LIPI: variants seen among roughly 807,000 people sequenced by gnomAD.
The protein encoded by LIPI is lipase member I.
Under a neutral mutation model 50.6 loss-of-function variants are expected in LIPI, and 59 were observed. The observed-to-expected ratio is 1.16, with a 90% CI of 0.94 to 1.45. The LOEUF (loss-of-function observed/expected upper bound fraction) is 1.45, where lower values mean the gene tolerates loss of function less well. Among genes scored for constraint, LIPI ranks in the 40% most tolerant of loss-of-function variants. The probability of loss-of-function intolerance (pLI) is 0.00; values close to 1 mark genes in which losing one functional copy is unlikely to be tolerated. For synonymous variants in LIPI, 203 were observed against 178.2 expected, an observed-to-expected ratio of 1.14 and a Z score of -1.11; for missense variants, 586 against 536.3, an observed-to-expected ratio of 1.09 and a Z score of -0.92.
chr21:14,196,322 A>G (rs1457445924), intron 1 of LIPI, among the ~76,000 whole-genome samples: 1 of 152,236 alleles, frequency 6.6e-6, no homozygotes, highest in Non-Finnish European at 1.5e-5. Context: ...ACAAAAAAGT[A>G]CATATTTTAA....
intron 1 of LIPI, 96 bp downstream of exon 1, chr21:14,210,704 C>T (rs1044406932): frequency 2.3e-5 from 8 of 354,990 alleles, no homozygotes; most frequent in Non-Finnish European, 4.5e-6. Flanking sequence ...ATATTTTTAT[C>T]CCATTATATC....
chr21:14,117,010 G>A (rs1315745634), intron 9 of LIPI, among the ~76,000 whole-genome samples: 1 of 152,058 alleles, frequency 6.6e-6, no homozygotes, highest in Non-Finnish European at 1.5e-5. Flanking sequence ...TCAGAGGAGA[G>A]TACCCCCCAA....
At chr21:14,181,060 G>A (rs563256332) in intron 4 of LIPI, among the ~76,000 whole-genome samples, 1 of 152,236 alleles carries the variant, frequency 6.6e-6, no homozygotes, top group East Asian at 1.9e-4. Flanking sequence ...ACTGTAAAGG[G>A]AATGACAGTT....
At chr21:14,118,543 A>T (rs894746773) in intron 9 of LIPI, among the ~76,000 whole-genome samples, 1 of 152,194 alleles carries the variant, frequency 6.6e-6, no homozygotes, top group Non-Finnish European at 1.5e-5. Flanking sequence ...CACCAAGTGG[A>T]GATAGGACCT....
intron 2 of LIPI, among the ~76,000 whole-genome samples, chr21:14,188,042 A>G (rs981500259): frequency 1.3e-5 from 2 of 152,256 alleles, no homozygotes; most frequent in African/African-American, 4.8e-5. Flanking sequence ...AACACAACTC[A>G]AGTTTAAATT....
At chr21:14,159,674 C>A (rs556720870) in intron 7 of LIPI, among the ~76,000 whole-genome samples, 455 of 151,290 alleles carry the variant, frequency 3.0e-3, no homozygotes, top group Middle Eastern at 0.01. Flanking sequence ...TAAATGCACA[C>A]AGATTGTAAT....
chr21:14,141,079 G>C (rs1164106663), intron 9 of LIPI, among the ~76,000 whole-genome samples: 2 of 152,112 alleles, frequency 1.3e-5, no homozygotes, highest in African/African-American at 4.8e-5. Context: ...GGGTCTAAAT[G>C]TTTGTTCTTT....
At chr21:14,203,020 G>A (rs1160015247) in intron 1 of LIPI, among the ~76,000 whole-genome samples, 28 of 152,160 alleles carry the variant, frequency 1.8e-4, no homozygotes, top group East Asian at 5.8e-4. Flanking sequence ...AAAAGTGGGC[G>A]AAGGATATGA....
intron 4 of LIPI, among the ~76,000 whole-genome samples, chr21:14,170,149 T>A (rs2018840338): frequency 6.6e-6 from 1 of 152,114 alleles, no homozygotes; most frequent in African/African-American, 2.4e-5. Context: ...ATACACCCTC[T>A]GAAGACTAAA....
intron 9 of LIPI, among the ~76,000 whole-genome samples, chr21:14,143,344 CTAGAT>C (rs1310287671): frequency 6.6e-6 from 1 of 152,120 alleles, no homozygotes; most frequent in Non-Finnish European, 1.5e-5. Context: ...ACAATTACTC[CTAGAT>C]TTTTGCCATT....
At chr21:14,152,334 C>T (rs543416272) in intron 8 of LIPI, among the ~76,000 whole-genome samples, 17 of 152,028 alleles carry the variant, frequency 1.1e-4, no homozygotes, top group South Asian at 4.2e-4. Context: ...TCTCCTGATA[C>T]GCTTAGAACT....
At chr21:14,129,431 G>T (rs1277018600) in intron 9 of LIPI, among the ~76,000 whole-genome samples, 2 of 151,804 alleles carry the variant, frequency 1.3e-5, no homozygotes, top group Non-Finnish European at 2.9e-5. Flanking sequence ...AACTATAATT[G>T]TGTCCCACAA....
chr21:14,166,728 A>T (rs778597134), intron 4 of LIPI, among the ~76,000 whole-genome samples: 1 of 152,222 alleles, frequency 6.6e-6, no homozygotes, highest in Non-Finnish European at 1.5e-5. Context: ...TAGAGAGGGC[A>T]GCCAAGATGG....
chr21:14,179,254 G>A (rs2019190162), intron 4 of LIPI, among the ~76,000 whole-genome samples: 1 of 151,696 alleles, frequency 6.6e-6, no homozygotes. Context: ...TAGAAGATGT[G>A]GTCATTATCT....
rs570751634 is a variant in LIPI at position 14,178,428 on chromosome 21, A to G, written c.643+3330T>C. Among the ~76,000 whole-genome samples, 3 of 152,150 alleles carry G rather than the reference A, an allele frequency of 2.0e-5. No individual in the cohort carries two copies. In the South Asian group the frequency reaches 6.2e-4, roughly 32 times the overall value. On this transcript the variant is annotated intron_variant, in intron 4 of 9. Coordinates refer to ENST00000681601, the MANE Select transcript of LIPI (RefSeq NM_001302998.2). ...GCTTCAGTCTAGAAATTTACTTTTC[A>G]CCTACTTTTTAGTTCACTCGCTCAC...
intron 4 of LIPI, among the ~76,000 whole-genome samples, chr21:14,175,364 A>C (rs2019057382): frequency 6.6e-6 from 1 of 152,108 alleles, no homozygotes; most frequent in Non-Finnish European, 1.5e-5. Context: ...AACTTTAAAA[A>C]CTTTTTATAT....
intron 1 of LIPI, among the ~76,000 whole-genome samples, chr21:14,209,439 T>C (rs761520028): frequency 6.6e-6 from 1 of 152,168 alleles, no homozygotes; most frequent in Non-Finnish European, 1.5e-5. Context: ...TGAAATAAAC[T>C]ACTGGAAATC....
At chr21:14,110,105 A>C (rs200135642) in intron 9 of LIPI, among the ~76,000 whole-genome samples, 1 of 37,816 alleles carries the variant, frequency 2.6e-5, no homozygotes, top group Non-Finnish European at 5.8e-5. Context: ...GATAAAGTAT[A>C]AGATTGATCT....
intron 7 of LIPI, among the ~76,000 whole-genome samples, chr21:14,159,939 T>G (rs570351729): frequency 1.3e-5 from 2 of 151,480 alleles, no homozygotes; most frequent in East Asian, 3.9e-4. Flanking sequence ...GCACAGGATC[T>G]GTATGTTGAA....
Sources: gnomAD v4.1 joint callset for allele counts (sites outside exome capture counted in the v4.1 genomes callset) on GRCh38, gnomAD v4.1.1 for gene constraint, MANE v1.5 for transcripts, NCBI Gene and HGNC (gene_info 2026-07-23, HGNC 2026-07-21) for gene names.